STK38: variants seen among roughly 807,000 people sequenced by gnomAD.
STK38 encodes serine/threonine kinase 38.
A neutral mutation model predicts 59.0 loss-of-function variants in STK38; 26 were observed. The observed-to-expected ratio is 0.44, with a 90% CI of 0.32 to 0.61. The LOEUF is 0.61. Ranked by LOEUF, STK38 falls within the 20% of genes least tolerant of loss-of-function variation. The probability of loss-of-function intolerance (pLI) is 0.04; values close to 1 mark genes in which losing one functional copy is unlikely to be tolerated. For synonymous variants in STK38, 175 were observed against 176.6 expected (o/e 0.99, Z 0.07); for missense variants, 433 against 566.0 (o/e 0.76, Z 2.38).
chr6:36,523,248 G>A (rs189498126), intron 4 of STK38, among the ~76,000 whole-genome samples: 3 of 151,596 alleles, frequency 2.0e-5, no homozygotes, highest in Non-Finnish European at 4.4e-5. Flanking sequence ...ACATTTCCCC[G>A]GGGTACCAGG....
intron 2 of STK38, among the ~76,000 whole-genome samples, chr6:36,527,207 A>AAAAAAAAAAAAAAAAAAATAT (rs60162863): frequency 8.4e-6 from 1 of 119,356 alleles, no homozygotes; most frequent in African/African-American, 3.5e-5. Flanking sequence ...AAAAAAAAAA[A>AAAAAAAAAAAAAAAAAAATAT]ATATATGTAT....
Position 36,525,609 on chromosome 6 carries a change from T to C in STK38, c.165A>G (p.Glu55=). The change falls in exon 3 of 14, where the codon GAA becomes GAG. Residue 55 remains glutamate (E), a synonymous_variant. Coordinates refer to ENST00000229812, the MANE Select transcript of STK38 (RefSeq NM_007271.4). The part of the protein sequence containing the change: ...QKKLEKVMEE[E]GLKDEEKRLR... ...TAATTACCTCCTCATCTTTTAGGCCTTCTTCTTCCATCACCTTTTCTAACT... is the reference window on the plus strand; with the variant it reads ...TAATTACCTCCTCATCTTTTAGGCCCTCTTCTTCCATCACCTTTTCTAACT... 6.2e-7 allele frequency: 1 copy of C among 1,613,846 alleles called. No individual in the cohort carries two copies. The highest frequency in any genetic ancestry group is 8.5e-7 in the Non-Finnish European group (1 of 1,179,794).
At chr6:36,537,497 G>A (rs1777820959) in intron 2 of STK38, among the ~76,000 whole-genome samples, 1 of 152,130 alleles carries the variant, frequency 6.6e-6, no homozygotes, top group African/African-American at 2.4e-5. Flanking sequence ...GAACCCAGGT[G>A]TTTATCAATA....
At chr6:36,544,454 T>G (rs899718731) in intron 1 of STK38, among the ~76,000 whole-genome samples, 1 of 152,132 alleles carries the variant, frequency 6.6e-6, no homozygotes, top group African/African-American at 2.4e-5. Flanking sequence ...TAAGTGTGTT[T>G]GGTGAAGAAA....
chr6:36,527,218 A>ATATATATATATATATATT (rs1777544583), intron 2 of STK38, among the ~76,000 whole-genome samples: 1 of 142,400 alleles, frequency 7.0e-6, no homozygotes, highest in Admixed American at 7.2e-5. Context: ...ATATATGTAT[A>ATATATATATATATATATT]TATATATATA....
intron 5 of STK38, among the ~76,000 whole-genome samples, chr6:36,518,555 CA>C (rs1167215704): frequency 1.3e-5 from 2 of 152,124 alleles, no homozygotes; most frequent in Admixed American, 6.5e-5. Context: ...AAATCCCCCC[CA>C]CACACACTTT....
In STK38 at chr6:36,497,057, G is replaced by A. The variant is rs595954; in HGVS notation, c.1173-252C>T. 5.2e-4 allele frequency among the ~76,000 whole-genome samples: 79 copies of A among 152,052 alleles called. 1 individual carries two copies. Among genetic ancestry groups the A allele is most frequent in the Admixed American group, 3.2e-3 (49 of 15,280 alleles). ...AAAGAAAGATAAGAATAACTAAAAC[G>A]TGAAGTTAGTGCAACTCCCCCCATG... On this transcript the variant is annotated intron_variant, in intron 12 of 13. Transcript: ENST00000229812.
intron 12 of STK38, 122 bp downstream of exon 12, chr6:36,497,658 A>C: frequency 1.3e-6 from 1 of 745,260 alleles, no homozygotes; most frequent in Non-Finnish European, 2.2e-6. Flanking sequence ...TCAGGAAAAG[A>C]CCCTAAATCT....
intron 2 of STK38, 37 bp downstream of exon 2, chr6:36,540,035 C>A: frequency 6.2e-7 from 1 of 1,611,068 alleles, no homozygotes; most frequent in Non-Finnish European, 8.5e-7. Context: ...AGGAATGCCA[C>A]AACCATGACA....
intron 1 of STK38, among the ~76,000 whole-genome samples, chr6:36,543,335 G>A (rs924054652): frequency 3.9e-5 from 6 of 152,214 alleles, no homozygotes; most frequent in Admixed American, 6.5e-5. Flanking sequence ...AAAGTGCTGG[G>A]ATTACAGGCG....
At chr6:36,504,735 C>T (rs1776919089) in intron 9 of STK38, among the ~76,000 whole-genome samples, 2 of 151,654 alleles carry the variant, frequency 1.3e-5, no homozygotes, top group South Asian at 4.2e-4. Flanking sequence ...AATTGCTTTC[C>T]TTATAGAACT....
intron 2 of STK38, among the ~76,000 whole-genome samples, chr6:36,527,273 T>A (rs1777549686): frequency 6.8e-6 from 1 of 147,210 alleles, no homozygotes; most frequent in Non-Finnish European, 1.5e-5. Context: ...TATGTACACA[T>A]GTATACATAT....
rs560240956 is a variant in STK38 at position 36,531,191 on chromosome 6, G to A, written c.132-5549C>T. Among the ~76,000 whole-genome samples, 54 of 152,190 alleles carry A rather than the reference G, an allele frequency of 3.5e-4. No individual in the cohort carries two copies. The South Asian group carries it at 8.9e-3, about 25-fold the overall frequency. On this transcript the variant is annotated intron_variant, in intron 2 of 13. Coordinates refer to ENST00000229812, the MANE Select transcript of STK38 (RefSeq NM_007271.4). ...CTTAGTATTAGATAAGACCAAATGA[G>A]GAATTTCTCCAGTTAAGAAAACATA...
At chr6:36,505,271 C>T (rs1776938157) in intron 9 of STK38, among the ~76,000 whole-genome samples, 1 of 152,200 alleles carries the variant, frequency 6.6e-6, no homozygotes, top group African/African-American at 2.4e-5. Flanking sequence ...AAATTTGTTC[C>T]TGACACTCCC....
intron 9 of STK38, among the ~76,000 whole-genome samples, chr6:36,500,274 T>C (rs1435666083): frequency 6.6e-6 from 1 of 152,156 alleles, no homozygotes; most frequent in African/African-American, 2.4e-5. Flanking sequence ...CATTAAGTAC[T>C]AGGCTCTGTA....
chr6:36,521,860 A>C (rs777473815), intron 4 of STK38, 43 bp from the exon 5 acceptor site: 2 of 1,510,640 alleles, frequency 1.3e-6, no homozygotes, highest in Non-Finnish European at 1.8e-6. Flanking sequence ...AACTCGTACT[A>C]CCAACCTAAT....
intron 1 of STK38, among the ~76,000 whole-genome samples, chr6:36,542,839 G>A (rs1237508390): frequency 1.3e-5 from 2 of 149,546 alleles, no homozygotes; most frequent in African/African-American, 2.5e-5. Flanking sequence ...CCAGCTACTC[G>A]GGAGGCTGAG....
rs375380153 is a variant in STK38 at position 36,495,909 on chromosome 6, T to C, written c.1273A>G (p.Thr425Ala). The change falls in exon 14 of 14, where the codon ACA (threonine) becomes GCA (alanine). Residue 425 changes from threonine (T) to alanine (A), a missense_variant. Thr to Ala is a moderately conservative substitution (Grantham distance 58). This residue lies in a region of STK38 where 136 missense variants were observed against 156.7 expected (regional missense o/e 0.87). Coordinates refer to ENST00000229812, the MANE Select transcript of STK38 (RefSeq NM_007271.4). ...TAGTCAGTCTCAGGATGATTACTTG[T>C]GGCCACTGGGAAAGAAATAGATGTG... ...ESDILKPTVATSNHPETDYKN... is the reference protein window; with the variant it reads ...ESDILKPTVAASNHPETDYKN... 5.0e-6 allele frequency: 8 copies of C among 1,614,016 alleles called. No individual in the cohort carries two copies. In the Admixed American group the frequency reaches 6.7e-5, roughly 13 times the overall value.
chr6:36,540,219 GA>G lies in STK38; in HGVS notation c.-5-13del. 1 of 1,613,364 alleles carries G rather than the reference GA, an allele frequency of 6.2e-7. No homozygotes were observed. The highest frequency in any genetic ancestry group is 8.5e-7 in the Non-Finnish European group (1 of 1,179,636). On this transcript the variant is annotated splice_polypyrimidine_tract_variant and intron_variant, in intron 1 of 13. Transcript: ENST00000229812. Reference sequence around the variant, plus strand: ...CATTGCCATGGCTGCTAGAAACAAAGAAAAGAAGAGGTGTTAGATTTGGAGT... The same window carrying G: ...CATTGCCATGGCTGCTAGAAACAAAGAAAGAAGAGGTGTTAGATTTGGAGT...
Sources: gnomAD v4.1 joint callset for allele counts (sites outside exome capture counted in the v4.1 genomes callset) on GRCh38, gnomAD v4.1.1 for gene constraint, gnomAD v4.1.1 regional missense constraint, MANE v1.5 for transcripts, NCBI Gene and HGNC (gene_info 2026-07-23, HGNC 2026-07-21) for gene names.